GTPBP2: variants seen among roughly 807,000 people sequenced by gnomAD.
GTPBP2 encodes the protein GTP-binding protein 2.
In GTPBP2, 32 loss-of-function variants were observed where a neutral mutation model predicts 63.0. That is an observed-to-expected ratio of 0.51 (90% CI 0.38 to 0.68). The LOEUF is 0.68. GTPBP2 is among the 30% of genes least tolerant of loss of function. The probability of loss-of-function intolerance (pLI) is 0.00; values close to 1 mark genes in which losing one functional copy is unlikely to be tolerated. For missense variants in GTPBP2, 492 were observed against 796.9 expected, an observed-to-expected ratio of 0.62 and a Z score of 4.61; for synonymous variants, 310 against 322.6, an observed-to-expected ratio of 0.96 and a Z score of 0.42.
chr6:43,621,851 G>A (rs1561921938), intron 11 of GTPBP2, 61 bp from the exon 12 acceptor site: 1 of 1,611,732 alleles, frequency 6.2e-7, no homozygotes, highest in Non-Finnish European at 8.5e-7. Flanking sequence ...TCTGCCAGCC[G>A]TGGCTCTCCA....
chr6:43,625,085 CAG>C lies in GTPBP2; in HGVS notation c.706-25_706-24del. On this transcript the variant is annotated intron_variant, in intron 5 of 11. Transcript: ENST00000307126. The surrounding 1 kb of genome is among the most constrained non-coding windows in gnomAD (Gnocchi z 5.1). The stretch of plus-strand genomic sequence containing the variant: ...CACCTGGCCCAGGGCCCAGGGCCCT[CAG>C]TGCCTCCTGCCAGCCCTTCCAACCC... 6.2e-7 allele frequency: 1 copy of C among 1,609,450 alleles called. No homozygotes were observed. The highest frequency in any genetic ancestry group is 8.5e-7 in the Non-Finnish European group (1 of 1,177,444).
chr6:43,624,179 C>T lies in GTPBP2; in HGVS notation c.1101-111G>A. On this transcript the variant is annotated intron_variant, in intron 7 of 11. Coordinates refer to ENST00000307126, the MANE Select transcript of GTPBP2 (RefSeq NM_019096.5). The surrounding 1 kb of genome is among the most constrained non-coding windows in gnomAD (Gnocchi z 5.1). ...TTGTTCTGGCTGGGGGCCCCTCTCTCCTGTCTGCAAATGGCTCAGGAACTC... is the reference window on the plus strand; with the variant it reads ...TTGTTCTGGCTGGGGGCCCCTCTCTTCTGTCTGCAAATGGCTCAGGAACTC... The T allele has an allele frequency of 1.1e-6, 1 of 927,968 alleles. No homozygotes were observed. The allele number at this position is 927,968 out of a possible 1,614,324, so 57.5% of individuals were successfully genotyped here.
In GTPBP2 at chr6:43,629,179, CCCCCCGCCCGGCCCCT is replaced by C. The variant is rs1179858186; in HGVS notation, c.-33_-18del. 2.9e-6 allele frequency: 4 copies of C among 1,387,816 alleles called. No homozygotes were observed. In the African/African-American group the frequency reaches 4.6e-5, roughly 16 times the overall value. The allele number at this position is 1,387,816 out of a possible 1,614,324, so 86.0% of individuals were successfully genotyped here. A position where few individuals can be genotyped will look rare whatever the true frequency, so the allele number is the denominator to read the frequency against. On this transcript the variant is annotated 5_prime_UTR_variant, in exon 1 of 12. Transcript: ENST00000307126. ...CGAGTCCATCCGCCGCTGCCGCCAG[CCCCCCGCCCGGCCCCT>C]CCCCCGACCGCCGCCGCCGTCGCCG... is the stretch of plus-strand genomic sequence containing the variant.
chr6:43,625,514 T>C lies in GTPBP2; in HGVS notation c.554A>G (p.Lys185Arg). ...VAVLGNVDSG[K>R]STLLGVLTQG... ...GGTCAGGACTCCAAGCAGAGTTGAC[T>C]TCCCAGAGTCCACATTCCCCAGGAC... Residue 185 changes from lysine to arginine, a missense_variant, in exon 5 of 12, where the codon AAG (lysine) becomes AGG (arginine). Physicochemically the swap from Lys to Arg is conservative, Grantham distance 26. Around this residue, in one of 2 missense-constraint regions of GTPBP2, gnomAD observed 400 missense variants for 710.8 expected, o/e 0.56. Coordinates refer to ENST00000307126, the MANE Select transcript of GTPBP2 (RefSeq NM_019096.5). The surrounding 1 kb of genome is among the most constrained non-coding windows in gnomAD (Gnocchi z 5.1). 1 of 1,614,092 alleles carries C rather than the reference T, an allele frequency of 6.2e-7. No homozygotes were observed. Among genetic ancestry groups the C allele is most frequent in the Non-Finnish European group, 8.5e-7 (1 of 1,179,964 alleles).
chr6:43,631,248 G>T (rs746669018), upstream of GTPBP2, among the ~76,000 whole-genome samples: 1 of 152,178 alleles, frequency 6.6e-6, no homozygotes, highest in African/African-American at 2.4e-5. Flanking sequence ...CTGAAGGAAA[G>T]GTTATGCCGT....
Position 43,624,765 on chromosome 6 carries a change from A to G in GTPBP2, c.881-36T>C. Reference sequence around the variant, plus strand: ...AGGACAGCAAGCAGCAGGAGAGAAGAGTGAGAATGCAGGAGGGAGGAGAGG... The same window carrying G: ...AGGACAGCAAGCAGCAGGAGAGAAGGGTGAGAATGCAGGAGGGAGGAGAGG... On this transcript the variant is annotated intron_variant, in intron 6 of 11. Coordinates refer to ENST00000307126, the MANE Select transcript of GTPBP2 (RefSeq NM_019096.5). The surrounding 1 kb of genome is among the most constrained non-coding windows in gnomAD (Gnocchi z 5.1). 1.2e-6 allele frequency: 2 copies of G among 1,600,204 alleles called. No individual in the cohort carries two copies. The highest frequency in any genetic ancestry group is 1.7e-6 in the Non-Finnish European group (2 of 1,168,142).
chr6:43,624,839 G>A lies in GTPBP2; in HGVS notation c.880+49C>T, dbSNP rs1329706897. 6.3e-7 allele frequency: 1 copy of A among 1,598,392 alleles called. No homozygotes were observed. ...CTCCAAGATTTGAGGCCCAGGGTAG[G>A]AGAGTCAGCACCCCCCTTCAGCCCT... On this transcript the variant is annotated intron_variant, in intron 6 of 11. Coordinates refer to ENST00000307126, the MANE Select transcript of GTPBP2 (RefSeq NM_019096.5). This position sits in a 1 kb window ranked among gnomAD's most constrained non-coding sequence, Gnocchi z 5.1.
chr6:43,626,122 GAGA>G lies in GTPBP2; in HGVS notation c.398+101_398+103del. ...CCTCCCCACTTCAGCCCTTTGTCAAGAGAAGGAAAGTCCCACCTTGGCCCCTCA... is the reference window on the plus strand; with the variant it reads ...CCTCCCCACTTCAGCCCTTTGTCAAGAGGAAAGTCCCACCTTGGCCCCTCA... On this transcript the variant is annotated intron_variant, in intron 3 of 11. Transcript: ENST00000307126. This position sits in a 1 kb window ranked among gnomAD's most constrained non-coding sequence, Gnocchi z 4.0. 1 of 1,102,406 alleles carries G rather than the reference GAGA, an allele frequency of 9.1e-7. No individual in the cohort carries two copies. Among genetic ancestry groups the G allele is most frequent in the Non-Finnish European group, 1.3e-6 (1 of 743,680 alleles). The allele number at this position is 1,102,406 out of a possible 1,614,324, so 68.3% of individuals were successfully genotyped here. A position where few individuals can be genotyped will look rare whatever the true frequency, so the allele number is the denominator to read the frequency against.
rs1383690996 is a variant in GTPBP2, at chr6:43,624,805, T to C, written c.881-76A>G. On this transcript the variant is annotated intron_variant, in intron 6 of 11. Coordinates refer to ENST00000307126, the MANE Select transcript of GTPBP2 (RefSeq NM_019096.5). This position sits in a 1 kb window ranked among gnomAD's most constrained non-coding sequence, Gnocchi z 5.1. ...GGGAGGAGAGGGAAGAAGAGGAGCA[T>C]TGGTCTGTCTCCAAGATTTGAGGCC... The C allele has an allele frequency of 1.3e-6, 2 of 1,582,482 alleles. No individual in the cohort carries two copies. The highest frequency in any genetic ancestry group is 1.7e-6 in the Non-Finnish European group (2 of 1,152,490).
chr6:43,627,225 C>T (rs573836154), intron 1 of GTPBP2: 3 of 1,013,216 alleles, frequency 3.0e-6, no homozygotes, highest in Non-Finnish European at 2.5e-6. Context: ...ACTGGCAGCA[C>T]GTTCTTCCTA....
chr6:43,621,237 T>C lies in GTPBP2; in HGVS notation c.*377A>G. The C allele has an allele frequency of 2.5e-6, 1 of 400,764 alleles. No individual in the cohort carries two copies. The highest frequency in any genetic ancestry group is 2.0e-5 in the South Asian group (1 of 50,184). 24.8% of individuals were successfully genotyped at this position (400,764 alleles called of 1,614,324 possible). A position where few individuals can be genotyped will look rare whatever the true frequency, so the allele number is the denominator to read the frequency against. On this transcript the variant is annotated 3_prime_UTR_variant, in exon 12 of 12. Coordinates refer to ENST00000307126, the MANE Select transcript of GTPBP2 (RefSeq NM_019096.5). ...AGGAGTGCTTTTGAGGGCTACCCCC[T>C]GTTGTGACCATTCCTGAAGTGCAGA...
Position 43,622,943 on chromosome 6 carries a change from G to A in GTPBP2, c.1296-139C>T. ...AAGAACCCTAAATTCTGACTTGGAT[G>A]TAACAGGGCTCACTGCCAGAGTTCA... On this transcript the variant is annotated intron_variant, in intron 9 of 11. Transcript: ENST00000307126. The surrounding 1 kb of genome is among the most constrained non-coding windows in gnomAD (Gnocchi z 5.4). 1 of 634,068 alleles carries A rather than the reference G, an allele frequency of 1.6e-6. No homozygotes were observed. The highest frequency in any genetic ancestry group is 2.7e-6 in the Non-Finnish European group (1 of 370,930). The allele number at this position is 634,068 out of a possible 1,614,324, so 39.3% of individuals were successfully genotyped here.
upstream of GTPBP2, chr6:43,629,489 A>C (rs1407183725): frequency 1.7e-6 from 1 of 602,520 alleles, no homozygotes; most frequent in African/African-American, 1.9e-5. Flanking sequence ...GGCTTAAGGG[A>C]GCTGTAGTCT....
At position 43,622,774 on chromosome 6, in the gene GTPBP2, C is replaced by G. The variant is rs1301983468; in HGVS notation, c.1326G>C (p.Val442=). 6.2e-7 allele frequency: 1 copy of G among 1,613,972 alleles called. No individual in the cohort carries two copies. Residue 442 remains valine, a synonymous_variant, in exon 10 of 12, where the codon GTG becomes GTC. Transcript: ENST00000307126. This position sits in a 1 kb window ranked among gnomAD's most constrained non-coding sequence, Gnocchi z 5.4. ...SGICREGDQL[V]VGPTDDGCFL... ...AGCAGCCATCATCCGTGGGGCCCAC[C>G]ACCAGCTGGTCCCCCTCACGGCAAA...
chr6:43,628,919 A>G, intron 1 of GTPBP2, 58 bp downstream of exon 1: 2 of 1,544,448 alleles, frequency 1.3e-6, no homozygotes, highest in South Asian at 2.2e-5. Flanking sequence ...CCGCCTCCCT[A>G]GAGTCCTGGG....
chr6:43,622,638 G>A lies in GTPBP2; in HGVS notation c.1462C>T (p.Arg488Cys), dbSNP rs1357450499. 2 of 1,610,612 alleles carry A rather than the reference G, an allele frequency of 1.2e-6. No homozygotes were observed. Among genetic ancestry groups the A allele is most frequent in the African/African-American group, 2.7e-5 (2 of 74,856 alleles). Residue 488 changes from arginine (R) to cysteine (C), a missense_variant, in exon 10 of 12, where the codon CGC (arginine) becomes TGC (cysteine). By Grantham distance (180) the Arg-to-Cys change is radical (BLOSUM62 -3). Transcript: ENST00000307126. The surrounding 1 kb of genome is among the most constrained non-coding windows in gnomAD (Gnocchi z 5.4). Reference sequence around the variant, plus strand: ...AACCCATGCACCCACCTCACCTTGCGAAGCAGTGCACGGTCAAAGTCCCCA... The same window carrying A: ...AACCCATGCACCCACCTCACCTTGCAAAGCAGTGCACGGTCAAAGTCCCCA... The part of the protein sequence containing the change: ...ALGDFDRALL[R>C]KGMVMVSPEM...
At chr6:43,628,780 T>A (rs746055246) in intron 1 of GTPBP2, 197 bp downstream of exon 1, 2 of 797,190 alleles carry the variant, frequency 2.5e-6, no homozygotes, top group East Asian at 4.9e-5. Flanking sequence ...CTCCCTGAGG[T>A]CCTGTCACCT....
Position 43,624,104 on chromosome 6 carries a change from A to G in GTPBP2, c.1101-36T>C. ...AGGCATGGAATGGACAGATGAAGAC[A>G]GTCCAAACAGGAGGCAGAGGCCAGA... On this transcript the variant is annotated intron_variant, in intron 7 of 11. Transcript: ENST00000307126. This position sits in a 1 kb window ranked among gnomAD's most constrained non-coding sequence, Gnocchi z 5.1. 6.4e-7 allele frequency: 1 copy of G among 1,569,748 alleles called. No homozygotes were observed.
upstream of GTPBP2, among the ~76,000 whole-genome samples, chr6:43,631,188 T>A (rs1437387932): frequency 6.6e-6 from 1 of 152,172 alleles, no homozygotes; most frequent in Non-Finnish European, 1.5e-5. Context: ...GCCAATTATG[T>A]GGGTCTTCAG....
Sources: gnomAD v4.1 joint callset for allele counts (sites outside exome capture counted in the v4.1 genomes callset) on GRCh38, gnomAD v4.1.1 for gene constraint, gnomAD v4.1.1 regional missense constraint, Gnocchi (gnomAD v3.1) non-coding constraint, MANE v1.5 for transcripts, NCBI Gene and HGNC (gene_info 2026-07-23, HGNC 2026-07-21) for gene names.